Variants in RELN observed in about 807,000 individuals in gnomAD.
RELN encodes reelin.
In RELN, 108 loss-of-function variants were observed where a neutral mutation model predicts 427.6. The observed-to-expected ratio is 0.25, with a 90% CI of 0.22 to 0.30. The LOEUF is 0.30. Ranked by LOEUF, RELN falls within the 10% of genes least tolerant of loss-of-function variation. The probability of loss-of-function intolerance (pLI) is 1.00; values close to 1 mark genes in which losing one functional copy is unlikely to be tolerated. For synonymous variants in RELN, 1,524 were observed against 1,513.4 expected (o/e 1.01, Z -0.16); for missense variants, 3,715 against 4,302.8 (o/e 0.86, Z 3.82).
intron 2 of RELN, among the ~76,000 whole-genome samples, chr7:103,872,872 G>C (rs953922183): frequency 3.7e-4 from 56 of 151,204 alleles, no homozygotes; most frequent in Non-Finnish European, 6.5e-4. Flanking sequence ...CTTTTGAGAA[G>C]TGTCTGTTCA....
intron 47 of RELN, among the ~76,000 whole-genome samples, chr7:103,523,095 T>G (rs189729500): frequency 3.3e-5 from 5 of 152,308 alleles, no homozygotes; most frequent in Admixed American, 1.3e-4. Context: ...CCTGAACCTT[T>G]TCTAATGTTA....
In RELN at chr7:103,573,547, C is replaced by A. The variant is rs1477566913; in HGVS notation, c.4511+545G>T. ...AAACATTTTCTCTATTTCCTTTCTTCCACTTCTCAAATAATTTAATTGCTC... is the reference window on the plus strand; with the variant it reads ...AAACATTTTCTCTATTTCCTTTCTTACACTTCTCAAATAATTTAATTGCTC... On this transcript the variant is annotated intron_variant, in intron 30 of 64. Transcript: ENST00000428762. The surrounding 1 kb of genome is among the most constrained non-coding windows in gnomAD (Gnocchi z 4.4). Among the ~76,000 whole-genome samples, 1 of 152,148 alleles carries A rather than the reference C, an allele frequency of 6.6e-6. No homozygotes were observed. The highest frequency in any genetic ancestry group is 2.4e-5 in the African/African-American group (1 of 41,428).
intron 58 of RELN, 89 bp downstream of exon 58, chr7:103,491,846 TCTCTCTCTCTCACACACA>T (rs1186638454): frequency 9.5e-4 from 578 of 607,688 alleles, no homozygotes; most frequent in East Asian, 6.4e-3. Context: ...TCTCTCTCTC[TCTCTCTCTCTCACACACA>T]CACACACACA....
chr7:103,928,982 A>C (rs1401915465), intron 1 of RELN, among the ~76,000 whole-genome samples: 1 of 152,208 alleles, frequency 6.6e-6, no homozygotes, highest in Non-Finnish European at 1.5e-5. Context: ...ATATATTATA[A>C]TAATTCAAGC....
intron 2 of RELN, among the ~76,000 whole-genome samples, chr7:103,889,458 A>G (rs1275744027): frequency 6.6e-6 from 1 of 152,186 alleles, no homozygotes; most frequent in Non-Finnish European, 1.5e-5. Flanking sequence ...AAAGTGTGAA[A>G]AGCCATATAC....
chr7:103,770,804 G>C (rs970276566), intron 4 of RELN, among the ~76,000 whole-genome samples: 1 of 151,770 alleles, frequency 6.6e-6, no homozygotes, highest in Non-Finnish European at 1.5e-5. Context: ...TCCCTTGACT[G>C]CCTGACTCCA....
intron 4 of RELN, among the ~76,000 whole-genome samples, chr7:103,769,738 T>A (rs1038343585): frequency 6.6e-6 from 1 of 152,202 alleles, no homozygotes; most frequent in Admixed American, 6.5e-5. Context: ...ATAAACAATT[T>A]CACAGAACAT....
At chr7:103,615,071 C>A (rs1230358659) in intron 20 of RELN, among the ~76,000 whole-genome samples, 1 of 152,094 alleles carries the variant, frequency 6.6e-6, no homozygotes. Context: ...CAGAAAAGAA[C>A]AGCCCACATC....
intron 2 of RELN, among the ~76,000 whole-genome samples, chr7:103,908,141 C>A (rs1253219593): frequency 6.6e-6 from 1 of 152,118 alleles, no homozygotes; most frequent in Non-Finnish European, 1.5e-5. Flanking sequence ...TACCTATACA[C>A]TGGGGGTGGC....
At chr7:103,900,000 G>A (rs1795047837) in intron 2 of RELN, among the ~76,000 whole-genome samples, 1 of 152,144 alleles carries the variant, frequency 6.6e-6, no homozygotes, top group Non-Finnish European at 1.5e-5. Flanking sequence ...AAAAGAGGAA[G>A]TCAAATAGTC....
intron 41 of RELN, among the ~76,000 whole-genome samples, chr7:103,550,741 A>C (rs1459417828): frequency 6.6e-6 from 1 of 151,474 alleles, no homozygotes; most frequent in African/African-American, 2.4e-5. Flanking sequence ...AGCTGCATTT[A>C]TATTGTCAGG....
chr7:103,844,671 C>A lies in RELN; in HGVS notation c.338-10999G>T, dbSNP rs77233758. Among the ~76,000 whole-genome samples, 5 of 152,258 alleles carry A rather than the reference C, an allele frequency of 3.3e-5. No individual in the cohort carries two copies. In the East Asian group the frequency reaches 9.6e-4, roughly 29 times the overall value. ...ATCTTGAACAAGTTACTTAAACTCT[C>A]TAAGTCCCAGGATCATTATTTTGTT... On this transcript the variant is annotated intron_variant, in intron 2 of 64. Transcript: ENST00000428762.
chr7:103,934,706 T>A (rs1795941839), intron 1 of RELN, among the ~76,000 whole-genome samples: 1 of 152,224 alleles, frequency 6.6e-6, no homozygotes, highest in South Asian at 2.1e-4. Flanking sequence ...CACCTAGTGA[T>A]GGAAGCAGCA....
Position 103,540,358 on chromosome 7 carries a change from A to G in RELN, c.6769T>C (p.Ser2257Pro), listed in dbSNP as rs1381836027. 1 of 1,614,012 alleles carries G rather than the reference A, an allele frequency of 6.2e-7. No individual in the cohort carries two copies. Among genetic ancestry groups the G allele is most frequent in the Non-Finnish European group, 8.5e-7 (1 of 1,180,034 alleles). ...LLQYSLNGGL[S>P]WSLLQEFLFS... is the part of the protein sequence containing the mutation. ...AGGAACTCCTGAAGAAGACTCCACG[A>G]GAGGCCACCGTTGAGAGAATACTGT... Residue 2257 changes from serine to proline, a missense_variant, in exon 44 of 65, where the codon TCG (serine) becomes CCG (proline). Ser to Pro is a moderately conservative substitution (Grantham distance 74). Around this residue, in one of 4 missense-constraint regions of RELN, gnomAD observed 1,310 missense variants for 1,643.0 expected, o/e 0.80. Coordinates refer to ENST00000428762, the MANE Select transcript of RELN (RefSeq NM_005045.4).
chr7:103,787,591 G>C (rs1428503031), intron 3 of RELN, among the ~76,000 whole-genome samples: 1 of 152,106 alleles, frequency 6.6e-6, no homozygotes, highest in East Asian at 1.9e-4. Flanking sequence ...TAGAAGAAAT[G>C]GATAAATTCC....
rs117988476 is a variant in RELN, at chr7:103,585,407, G to A, written c.4145+4189C>T. On this transcript the variant is annotated intron_variant, in intron 28 of 64. Transcript: ENST00000428762. ...TATCAGAGAAATAAAAAAGATCATT[G>A]GAGACTCCTATGAACATCTCTATGT... 2.3e-3 allele frequency among the ~76,000 whole-genome samples: 347 copies of A among 152,160 alleles called. 2 individuals are homozygous for A. The highest frequency in any genetic ancestry group is 4.0e-3 in the Non-Finnish European group (270 of 67,968).
At chr7:103,707,658 C>G (rs1584423631) in intron 8 of RELN, among the ~76,000 whole-genome samples, 1 of 152,096 alleles carries the variant, frequency 6.6e-6, no homozygotes, top group Non-Finnish European at 1.5e-5. Context: ...GCTACCACAT[C>G]CAGCTAATTT....
intron 53 of RELN, among the ~76,000 whole-genome samples, chr7:103,499,487 G>C (rs188332372): frequency 3.3e-4 from 50 of 152,230 alleles, no homozygotes; most frequent in Admixed American, 1.6e-3. Context: ...AAGCCAATTT[G>C]TTCTAGTTGC....
chr7:103,529,539 T>A (rs558059729), intron 46 of RELN, among the ~76,000 whole-genome samples: 1 of 152,182 alleles, frequency 6.6e-6, no homozygotes, highest in South Asian at 2.1e-4. Context: ...TTGAGCCACC[T>A]CTTACTTTTA....
Sources: allele counts gnomAD v4.1 joint callset (sites outside exome capture counted in the v4.1 genomes callset), GRCh38; gene constraint gnomAD v4.1.1; regional missense constraint gnomAD v4.1.1; non-coding constraint Gnocchi (gnomAD v3.1); transcripts MANE v1.5; gene names NCBI Gene and HGNC (gene_info 2026-07-23, HGNC 2026-07-21).